Variants in KANK1 observed in about 807,000 individuals in gnomAD.
KANK1 encodes KN motif and ankyrin repeat domains 1, also known as KN motif and ankyrin repeat domain-containing protein 1.
KANK1 carries 109 observed loss-of-function variants against 106.2 expected under a neutral mutation model. That is an observed-to-expected ratio of 1.03 (90% CI 0.88 to 1.20). The LOEUF is 1.20. Ranked by LOEUF, KANK1 falls within the 50% of genes most tolerant of loss-of-function variation. KANK1 has a pLI of 0.00. For synonymous variants in KANK1, 873 were observed against 652.2 expected (o/e 1.34, Z -5.16); for missense variants, 2,399 against 1,710.7 (o/e 1.40, Z -7.10).
At chr9:645,376 G>A (rs1425436826) in intron 1 of KANK1, among the ~76,000 whole-genome samples, 3 of 143,940 alleles carry the variant, frequency 2.1e-5, no homozygotes, top group African/African-American at 8.2e-5. Context: ...GGAGGTGGAG[G>A]TTGTAGTGAT....
At chr9:509,946 A>G (rs577210099) in intron 1 of KANK1, among the ~76,000 whole-genome samples, 18 of 151,046 alleles carry the variant, frequency 1.2e-4, no homozygotes, top group African/African-American at 4.1e-4. Flanking sequence ...GACTACAGGC[A>G]TGTGCCACTG....
At chr9:637,142 A>G (rs1485670189) in intron 1 of KANK1, among the ~76,000 whole-genome samples, 1 of 152,072 alleles carries the variant, frequency 6.6e-6, no homozygotes, top group East Asian at 1.9e-4. Context: ...AGCCTCTCCT[A>G]GGTAATTGGA....
chr9:666,999 A>AG (rs1844775436), intron 1 of KANK1, among the ~76,000 whole-genome samples: 2 of 33,314 alleles, frequency 6.0e-5, no homozygotes, highest in African/African-American at 8.5e-5. Context: ...CTTCCTCTTC[A>AG]ATTTTTTTTT....
intron 1 of KANK1, among the ~76,000 whole-genome samples, chr9:596,136 T>C (rs928599474): frequency 1.3e-5 from 2 of 151,928 alleles, no homozygotes; most frequent in African/African-American, 4.9e-5. Flanking sequence ...GCATTTTGGC[T>C]GTAACCTGTC....
chr9:563,553 C>T (rs917857689), intron 1 of KANK1, among the ~76,000 whole-genome samples: 3 of 152,128 alleles, frequency 2.0e-5, no homozygotes, highest in Non-Finnish European at 4.4e-5. Flanking sequence ...TGAAACAATC[C>T]TTCAGTGTAG....
rs138396018 is a variant in KANK1 at position 700,470 on chromosome 9, A to C, written c.38-10334A>C. Among the ~76,000 whole-genome samples the C allele has an allele frequency of 7.4e-4, 113 of 152,316 alleles. 3 individuals are homozygous for C. Among genetic ancestry groups the C allele is most frequent in the African/African-American group, 2.6e-3 (110 of 41,556 alleles). On this transcript the variant is annotated intron_variant, in intron 2 of 11. Transcript: ENST00000382297. Reference sequence around the variant, plus strand: ...CCACTCCTGGAAAAGTTGATGTGCTAACTTAATTACTCTCATACTCTGAGT... The same window carrying C: ...CCACTCCTGGAAAAGTTGATGTGCTCACTTAATTACTCTCATACTCTGAGT...
intron 1 of KANK1, among the ~76,000 whole-genome samples, chr9:643,204 T>G (rs935698741): frequency 6.6e-6 from 1 of 150,840 alleles, no homozygotes. Flanking sequence ...TTCATACAGA[T>G]TTTTTGGTGT....
At chr9:576,513 T>C (rs772670375) in intron 1 of KANK1, among the ~76,000 whole-genome samples, 3 of 152,248 alleles carry the variant, frequency 2.0e-5, no homozygotes. Flanking sequence ...GTGCTCCTTA[T>C]ATGTTTTGGG....
chr9:683,952 ACTT>A (rs1750173887), intron 2 of KANK1, among the ~76,000 whole-genome samples: 2 of 152,172 alleles, frequency 1.3e-5, no homozygotes, highest in Admixed American at 6.5e-5. Context: ...TAATGTAACT[ACTT>A]CTTAGATTTC....
At chr9:563,886 C>T (rs1817130376) in intron 1 of KANK1, among the ~76,000 whole-genome samples, 2 of 152,162 alleles carry the variant, frequency 1.3e-5, no homozygotes, top group African/African-American at 2.4e-5. Flanking sequence ...ATAGGTTCTA[C>T]ACAAATATTT....
intron 2 of KANK1, among the ~76,000 whole-genome samples, chr9:703,750 C>T (rs1301958760): frequency 6.6e-6 from 1 of 151,102 alleles, no homozygotes; most frequent in Admixed American, 6.6e-5. Flanking sequence ...CTTGCTCTGT[C>T]ACCCAGGCTG....
intron 1 of KANK1, among the ~76,000 whole-genome samples, chr9:626,018 C>G (rs1834261896): frequency 6.6e-6 from 1 of 152,120 alleles, no homozygotes; most frequent in Admixed American, 6.6e-5. Flanking sequence ...TTTGTGCATT[C>G]TACAGCTCGG....
At chr9:583,946 G>C (rs981848074) in intron 1 of KANK1, among the ~76,000 whole-genome samples, 23 of 152,082 alleles carry the variant, frequency 1.5e-4, no homozygotes, top group African/African-American at 5.6e-4. Flanking sequence ...CATTGTTAGA[G>C]GGGGTGTGGA....
At chr9:718,869 A>G (rs1179907282) in intron 3 of KANK1, among the ~76,000 whole-genome samples, 2 of 152,104 alleles carry the variant, frequency 1.3e-5, no homozygotes, top group East Asian at 3.9e-4. Context: ...GTACCAAAAA[A>G]GAAGATGGTC....
chr9:708,443 C>T (rs1824933079), intron 2 of KANK1, among the ~76,000 whole-genome samples: 1 of 152,258 alleles, frequency 6.6e-6, no homozygotes, highest in South Asian at 2.1e-4. Flanking sequence ...TAGAGCATGA[C>T]TGCTGCTGGG....
At position 535,824 on chromosome 9, in the gene KANK1, C is replaced by G. The variant is rs139519017; in HGVS notation, c.-84+31070C>G. Among the ~76,000 whole-genome samples the G allele has an allele frequency of 3.9e-5, 6 of 152,324 alleles. No individual in the cohort carries two copies. In the East Asian group the frequency reaches 9.6e-4, roughly 24 times the overall value. ...TCACAAGCAGTCTTCTGGGTCCTCA[C>G]AAGCAGTCTTTATTGTTTATATTTC... On this transcript the variant is annotated intron_variant, in intron 1 of 11. Transcript: ENST00000382297.
chr9:552,881 A>G (rs1587744519), intron 1 of KANK1, among the ~76,000 whole-genome samples: 1 of 152,348 alleles, frequency 6.6e-6, no homozygotes, highest in South Asian at 2.1e-4. Context: ...GCAGTGGCTC[A>G]CGCCTGTAAT....
chr9:552,831 T>C (rs2061359863), intron 1 of KANK1, among the ~76,000 whole-genome samples: 1 of 152,224 alleles, frequency 6.6e-6, no homozygotes, highest in Admixed American at 6.5e-5. Flanking sequence ...TTTTCTACCA[T>C]GTGATCCTTT....
intron 1 of KANK1, among the ~76,000 whole-genome samples, chr9:612,811 T>G (rs1016752944): frequency 1.3e-5 from 2 of 152,138 alleles, no homozygotes; most frequent in South Asian, 2.1e-4. Context: ...AACCCCAGTT[T>G]AGACCAGCAG....
Sources: allele counts gnomAD v4.1 joint callset (sites outside exome capture counted in the v4.1 genomes callset), GRCh38; gene constraint gnomAD v4.1.1; transcripts MANE v1.5; gene names NCBI Gene and HGNC (gene_info 2026-07-23, HGNC 2026-07-21).